CDH12: variants seen among roughly 807,000 people sequenced by gnomAD.
The protein encoded by CDH12 is cadherin-12.
Under a neutral mutation model 74.1 loss-of-function variants are expected in CDH12, and 41 were observed. The ratio of observed to expected loss-of-function variants is 0.55; its 90% CI spans 0.43 to 0.72. CDH12 has a LOEUF of 0.72. CDH12 is among the 30% of genes least tolerant of loss of function. CDH12 has a pLI of 0.00. For synonymous variants in CDH12, 399 were observed against 355.0 expected (o/e 1.12, Z -1.39); for missense variants, 945 against 977.2 (o/e 0.97, Z 0.44).
At chr5:22,294,089 C>A in intron 3 of CDH12, among the ~76,000 whole-genome samples, 1 of 151,088 alleles carries the variant, frequency 6.6e-6, no homozygotes, top group East Asian at 1.9e-4. Flanking sequence ...ATGACAAATA[C>A]ATATAATTTT....
intron 1 of CDH12, among the ~76,000 whole-genome samples, chr5:22,626,925 T>C (rs528678755): frequency 6.6e-6 from 1 of 151,908 alleles, no homozygotes; most frequent in East Asian, 1.9e-4. Flanking sequence ...TGAGAGAACT[T>C]AAAAAAAACA....
At chr5:22,732,523 T>C (rs1744485419) in intron 1 of CDH12, among the ~76,000 whole-genome samples, 1 of 151,340 alleles carries the variant, frequency 6.6e-6, no homozygotes, top group Non-Finnish European at 1.5e-5. Context: ...AAACCCCTAC[T>C]ATCCCAGAGT....
intron 3 of CDH12, among the ~76,000 whole-genome samples, chr5:22,392,337 G>A (rs1212807822): frequency 6.6e-6 from 1 of 152,050 alleles, no homozygotes; most frequent in Non-Finnish European, 1.5e-5. Context: ...TCTTTCATCA[G>A]TCATTAATAA....
intron 2 of CDH12, among the ~76,000 whole-genome samples, chr5:22,454,895 C>T (rs1011793705): frequency 1.3e-5 from 2 of 152,126 alleles, no homozygotes; most frequent in African/African-American, 4.8e-5. Context: ...GGGTCTATGG[C>T]TTCAACATAT....
At chr5:22,589,921 T>C (rs1740616763) in intron 1 of CDH12, among the ~76,000 whole-genome samples, 1 of 152,180 alleles carries the variant, frequency 6.6e-6, no homozygotes, top group Non-Finnish European at 1.5e-5. Flanking sequence ...TAACCCACTA[T>C]TATCCAACTT....
At chr5:22,348,317 G>T (rs191809733) in intron 3 of CDH12, among the ~76,000 whole-genome samples, 32 of 152,268 alleles carry the variant, frequency 2.1e-4, no homozygotes, top group Non-Finnish European at 4.4e-4. Flanking sequence ...TAGCAGAGAG[G>T]TTATTGTCAG....
chr5:22,146,012 G>A (rs1451543992), intron 4 of CDH12, among the ~76,000 whole-genome samples: 1 of 148,240 alleles, frequency 6.7e-6, no homozygotes. Flanking sequence ...GCATGAAAAT[G>A]TGCCTGGGTT....
intron 1 of CDH12, among the ~76,000 whole-genome samples, chr5:22,747,451 C>T (rs1282938202): frequency 2.1e-5 from 3 of 144,520 alleles, no homozygotes; most frequent in Non-Finnish European, 3.0e-5. Flanking sequence ...AAGTGAGACC[C>T]TGTCTGTACA....
At chr5:22,766,470 C>A (rs114551748) in intron 1 of CDH12, among the ~76,000 whole-genome samples, 3,681 of 152,160 alleles carry the variant, frequency 0.024, 70 homozygotes, top group Middle Eastern at 0.041. Context: ...TATTGAATGA[C>A]AATGTCAGAT....
intron 1 of CDH12, among the ~76,000 whole-genome samples, chr5:22,691,720 T>A (rs1308458087): frequency 6.6e-6 from 1 of 152,140 alleles, no homozygotes; most frequent in Non-Finnish European, 1.5e-5. Flanking sequence ...AATGGAAGCA[T>A]CACTTTCCCT....
At chr5:22,814,065 C>T (rs574239762) in intron 1 of CDH12, among the ~76,000 whole-genome samples, 174 of 152,056 alleles carry the variant, frequency 1.1e-3, no homozygotes, top group Non-Finnish European at 1.2e-3. Context: ...TATTTTTTCA[C>T]ATTAAACTGT....
chr5:22,343,323 CAGAGAGAGAGAGAGAGAGAG>C (rs377016972), intron 3 of CDH12, among the ~76,000 whole-genome samples: 4 of 136,346 alleles, frequency 2.9e-5, no homozygotes, highest in African/African-American at 1.2e-4. Context: ...GACACACACA[CAGAGAGAGAGAGAGAGAGAG>C]AGAGAGAGAG....
At chr5:22,345,177 G>A (rs1028830257) in intron 3 of CDH12, among the ~76,000 whole-genome samples, 2 of 152,034 alleles carry the variant, frequency 1.3e-5, no homozygotes, top group Admixed American at 6.6e-5. Context: ...TTATTAATGC[G>A]ACTCAAATCA....
At chr5:22,739,668 T>A (rs1744921624) in intron 1 of CDH12, among the ~76,000 whole-genome samples, 2 of 152,074 alleles carry the variant, frequency 1.3e-5, no homozygotes, top group East Asian at 1.9e-4. Context: ...CGGAAGTTAT[T>A]TATTATGCAT....
At chr5:22,454,629 C>T (rs930415381) in intron 2 of CDH12, among the ~76,000 whole-genome samples, 3 of 152,224 alleles carry the variant, frequency 2.0e-5, no homozygotes, top group East Asian at 1.9e-4. Flanking sequence ...TGTGCTACCA[C>T]ACCCAGCTAA....
intron 2 of CDH12, among the ~76,000 whole-genome samples, chr5:22,411,518 T>C (rs1252567755): frequency 6.6e-6 from 1 of 152,030 alleles, no homozygotes; most frequent in Non-Finnish European, 1.5e-5. Flanking sequence ...TAAAGATATT[T>C]CAGTCAGCAT....
At chr5:22,699,859 T>C (rs1331389221) in intron 1 of CDH12, among the ~76,000 whole-genome samples, 3 of 152,184 alleles carry the variant, frequency 2.0e-5, no homozygotes, top group African/African-American at 7.2e-5. Flanking sequence ...TTAATGCCTA[T>C]TGCTATTAGA....
At chr5:21,956,921 T>A (rs1481950222) in intron 6 of CDH12, among the ~76,000 whole-genome samples, 1 of 152,054 alleles carries the variant, frequency 6.6e-6, no homozygotes, top group Non-Finnish European at 1.5e-5. Flanking sequence ...CTTTTTTTTT[T>A]AACTTTTATT....
At chr5:22,097,343 G>T (rs1743848821) in intron 4 of CDH12, among the ~76,000 whole-genome samples, 1 of 152,114 alleles carries the variant, frequency 6.6e-6, no homozygotes, top group South Asian at 2.1e-4. Flanking sequence ...CGCCTCAGAA[G>T]CCCCCTAGAC....
Sources: allele counts gnomAD v4.1 joint callset (sites outside exome capture counted in the v4.1 genomes callset), GRCh38; gene constraint gnomAD v4.1.1; transcripts MANE v1.5; gene names NCBI Gene and HGNC (gene_info 2026-07-23, HGNC 2026-07-21).